Variants in ASPH observed in about 807,000 individuals in gnomAD.
ASPH encodes aspartate beta-hydroxylase, also known as aspartyl/asparaginyl beta-hydroxylase.
Under a neutral mutation model 118.4 loss-of-function variants are expected in ASPH, and 100 were observed. That is an observed-to-expected ratio of 0.84 (90% CI 0.72 to 1.00). The LOEUF is 1.00. Ranked by LOEUF, ASPH falls within the 50% of genes least tolerant of loss-of-function variation. The probability of loss-of-function intolerance (pLI) is 0.00; values close to 1 mark genes in which losing one functional copy is unlikely to be tolerated. For missense variants in ASPH, 920 were observed against 919.5 expected, an observed-to-expected ratio of 1.00 and a Z score of -0.01; for synonymous variants, 315 against 325.6, an observed-to-expected ratio of 0.97 and a Z score of 0.35.
intron 3 of ASPH, chr8:61,664,282 GAC>G (rs1818371384): frequency 1.0e-6 from 1 of 968,610 alleles, no homozygotes; most frequent in Non-Finnish European, 1.2e-6. Flanking sequence ...AAATAATAAT[GAC>G]ACAATCAAAT....
intron 21 of ASPH, among the ~76,000 whole-genome samples, chr8:61,540,195 G>A (rs1369754699): frequency 1.3e-5 from 2 of 152,158 alleles, no homozygotes; most frequent in Non-Finnish European, 2.9e-5. Flanking sequence ...AATGAGGGGT[G>A]ATATTGTTTG....
At chr8:61,591,918 G>C (rs1236709036) in intron 14 of ASPH, among the ~76,000 whole-genome samples, 1 of 152,236 alleles carries the variant, frequency 6.6e-6, no homozygotes, top group Non-Finnish European at 1.5e-5. Flanking sequence ...TTTGTGTAAA[G>C]GAAGTAGCTG....
At chr8:61,574,971 C>T (rs890809448) in intron 16 of ASPH, among the ~76,000 whole-genome samples, 6 of 152,194 alleles carry the variant, frequency 3.9e-5, no homozygotes, top group African/African-American at 1.4e-4. Context: ...CCAGCATGCC[C>T]TTCTTTCTTT....
chr8:61,582,396 G>A (rs1837847558), intron 15 of ASPH, among the ~76,000 whole-genome samples: 1 of 152,174 alleles, frequency 6.6e-6, no homozygotes, highest in African/African-American at 2.4e-5. Flanking sequence ...TTAGTATAGA[G>A]AAAGTGGAGG....
intron 15 of ASPH, chr8:61,579,592 C>G: frequency 6.6e-7 from 1 of 1,523,120 alleles, no homozygotes; most frequent in Non-Finnish European, 9.0e-7. Context: ...ACCAGTTCCT[C>G]CAGGGCCGTG....
At chr8:61,624,512 A>G (rs1564057019) in intron 13 of ASPH, 2 of 964,358 alleles carry the variant, frequency 2.1e-6, no homozygotes, top group East Asian at 2.3e-4. Flanking sequence ...AAAATACCTT[A>G]TACTTCAAAA....
At chr8:61,685,458 G>A (rs1429265032) in intron 1 of ASPH, among the ~76,000 whole-genome samples, 3 of 152,088 alleles carry the variant, frequency 2.0e-5, no homozygotes, top group Admixed American at 6.6e-5. Flanking sequence ...CTACAGCTCT[G>A]AGTTCCTTAA....
At chr8:61,512,650 C>A (rs1423312465) in intron 24 of ASPH, among the ~76,000 whole-genome samples, 3 of 152,184 alleles carry the variant, frequency 2.0e-5, no homozygotes, top group African/African-American at 7.2e-5. Flanking sequence ...CAGCCTCAGG[C>A]AAGTTACTTA....
At chr8:61,663,341 C>A (rs1043294237) in intron 3 of ASPH, 3 of 985,246 alleles carry the variant, frequency 3.0e-6, no homozygotes, top group African/African-American at 1.7e-5. Flanking sequence ...CAGATGTTCA[C>A]CAGGCCTAAC....
At chr8:61,547,279 T>A (rs1482792016) in intron 21 of ASPH, among the ~76,000 whole-genome samples, 1 of 152,242 alleles carries the variant, frequency 6.6e-6, no homozygotes, top group Non-Finnish European at 1.5e-5. Context: ...CTATTTAGAA[T>A]CACTTAGTTT....
At position 61,683,062 on chromosome 8, in the gene ASPH, G is replaced by A. The variant is rs537413042; in HGVS notation, c.253+977C>T. On this transcript the variant is annotated intron_variant, in intron 2 of 24. Transcript: ENST00000379454. The stretch of plus-strand genomic sequence containing the variant: ...AAGTACTGAACTTTAAAAACATTAT[G>A]CTAAGTGCAAAAAGGCAGATACAAA... Among the ~76,000 whole-genome samples, 5 of 152,160 alleles carry A rather than the reference G, an allele frequency of 3.3e-5. No individual in the cohort carries two copies. The South Asian group carries it at 1.0e-3, about 32-fold the overall frequency.
At chr8:61,617,659 G>A (rs28605756) in intron 14 of ASPH, among the ~76,000 whole-genome samples, 3,292 of 152,120 alleles carry the variant, frequency 0.022, 40 homozygotes, top group Non-Finnish European at 0.035. Flanking sequence ...GGCCAGGCAC[G>A]GTGGTTCATG....
chr8:61,557,822 C>T (rs1232726214), intron 18 of ASPH, among the ~76,000 whole-genome samples: 1 of 152,148 alleles, frequency 6.6e-6, no homozygotes, highest in African/African-American at 2.4e-5. Context: ...CAGTACTGTT[C>T]CCAAGCTAGA....
Position 61,633,693 on chromosome 8 carries a change from T to A in ASPH, c.924A>T (p.Glu308Asp), listed in dbSNP as rs145686333. ...TACAAAATGTCATACCTGGTGGTAC[T>A]TCCTGCTGTTCTTCCACAGGAAAAA... is the stretch of plus-strand genomic sequence containing the variant. ...VSIFPVEEQQ[E>D]VPPETNRKTD... Residue 308 changes from glutamate (E) to aspartate (D), a missense_variant, in exon 13 of 25, where the codon GAA (glutamate) becomes GAT (aspartate). Coordinates refer to ENST00000379454, the MANE Select transcript of ASPH (RefSeq NM_004318.4). The A allele has an allele frequency of 5.1e-5, 81 of 1,600,328 alleles. No homozygotes were observed. In the African/African-American group the frequency reaches 1.0e-3, roughly 20 times the overall value.
chr8:61,516,355 C>A (rs1241099189), intron 24 of ASPH, among the ~76,000 whole-genome samples: 1 of 152,160 alleles, frequency 6.6e-6, no homozygotes, highest in Admixed American at 6.5e-5. Context: ...CTTGTGTTAT[C>A]TTCCTGAGCA....
intron 22 of ASPH, among the ~76,000 whole-genome samples, chr8:61,518,895 G>T (rs1811907123): frequency 6.6e-6 from 1 of 152,126 alleles, no homozygotes. Context: ...TTGCAGCATT[G>T]CATTAAACAC....
At chr8:61,606,152 A>G (rs1260191533) in intron 14 of ASPH, among the ~76,000 whole-genome samples, 2 of 152,220 alleles carry the variant, frequency 1.3e-5, no homozygotes, top group East Asian at 3.8e-4. Flanking sequence ...GCAGCAGTTA[A>G]AAGGCAAAGA....
chr8:61,683,556 T>C, intron 2 of ASPH: 1 of 152,916 alleles, frequency 6.5e-6, no homozygotes, highest in Non-Finnish European at 1.5e-5. Context: ...ACCCATCCAG[T>C]ACCTATATGT....
At chr8:61,542,663 A>G (rs1001147471) in intron 21 of ASPH, among the ~76,000 whole-genome samples, 3 of 152,108 alleles carry the variant, frequency 2.0e-5, no homozygotes, top group Admixed American at 6.5e-5. Context: ...TATCCCTTTT[A>G]TGTTTACCCA....
Sources: gnomAD v4.1 joint callset for allele counts (sites outside exome capture counted in the v4.1 genomes callset) on GRCh38, gnomAD v4.1.1 for gene constraint, MANE v1.5 for transcripts, NCBI Gene and HGNC (gene_info 2026-07-23, HGNC 2026-07-21) for gene names.